ACAD11: variants seen among roughly 807,000 people sequenced by gnomAD.
The protein encoded by ACAD11 is acyl-CoA dehydrogenase family member 11, also known as acyl-Coenzyme A dehydrogenase family, member 11.
ACAD11 carries 83 observed loss-of-function variants against 102.2 expected under a neutral mutation model. The ratio of observed to expected loss-of-function variants is 0.81; its 90% CI spans 0.68 to 0.97. The LOEUF (loss-of-function observed/expected upper bound fraction) is 0.97, where lower values mean the gene tolerates loss of function less well. ACAD11 is among the 50% of genes least tolerant of loss of function. The pLI is 0.00. For synonymous variants in ACAD11, 324 were observed against 319.8 expected (o/e 1.01, Z -0.14); for missense variants, 901 against 951.7 (o/e 0.95, Z 0.70).
intron 1 of ACAD11, among the ~76,000 whole-genome samples, chr3:132,656,663 T>C (rs556179746): frequency 6.6e-6 from 1 of 152,002 alleles, no homozygotes; most frequent in Admixed American, 6.5e-5. Flanking sequence ...CCCAGCTAAT[T>C]TCGTATTTTT....
At chr3:132,655,124 A>C (rs1290969001) in intron 1 of ACAD11, among the ~76,000 whole-genome samples, 4 of 152,162 alleles carry the variant, frequency 2.6e-5, no homozygotes, top group African/African-American at 9.7e-5. Context: ...CATTGACCAA[A>C]ACGTCATTAT....
intron 13 of ACAD11, among the ~76,000 whole-genome samples, chr3:132,596,345 T>C (rs1045586096): frequency 6.6e-5 from 10 of 152,212 alleles, no homozygotes; most frequent in Admixed American, 3.9e-4. Flanking sequence ...ACCTGGGTGA[T>C]AAAATAATCT....
At position 132,650,879 on chromosome 3, in the gene ACAD11, G is replaced by C. The variant is rs114536203; in HGVS notation, c.150-5983C>G. Among the ~76,000 whole-genome samples the C allele has an allele frequency of 3.3e-3, 500 of 152,046 alleles. 1 individual carries two copies. Among genetic ancestry groups the C allele is most frequent in the African/African-American group, 0.012 (482 of 41,450 alleles). On this transcript the variant is annotated intron_variant, in intron 1 of 19. Coordinates refer to ENST00000264990, the MANE Select transcript of ACAD11 (RefSeq NM_032169.5). ...CCCTTTTATACTTGTTTACTGCATT[G>C]TAATTCCCATAAGGCTCTGCACATT... is the stretch of plus-strand genomic sequence containing the variant.
At chr3:132,573,845 G>A (rs1228221051) in intron 17 of ACAD11, among the ~76,000 whole-genome samples, 1 of 152,088 alleles carries the variant, frequency 6.6e-6, no homozygotes, top group Non-Finnish European at 1.5e-5. Context: ...AGAATTTTTT[G>A]CGTTACAGCC....
chr3:132,640,057 G>T (rs533900580), intron 4 of ACAD11, among the ~76,000 whole-genome samples: 1 of 151,518 alleles, frequency 6.6e-6, no homozygotes. Flanking sequence ...AAAGGGTCAC[G>T]AGAAATAAGT....
chr3:132,595,963 A>G (rs1294665510), intron 13 of ACAD11, among the ~76,000 whole-genome samples: 1 of 152,224 alleles, frequency 6.6e-6, no homozygotes, highest in Non-Finnish European at 1.5e-5. Context: ...TCTATTATAA[A>G]GACACATGCA....
intron 8 of ACAD11, 123 bp from the exon 9 acceptor site, chr3:132,626,940 G>T: frequency 1.1e-6 from 1 of 902,960 alleles, no homozygotes; most frequent in Non-Finnish European, 1.6e-6. Flanking sequence ...AGGAGTAGCT[G>T]TATTTTATAT....
intron 11 of ACAD11, among the ~76,000 whole-genome samples, chr3:132,617,394 T>C (rs1428329697): frequency 1.3e-5 from 2 of 152,162 alleles, no homozygotes. Flanking sequence ...TTTTAAAAAA[T>C]TGGCCTCCTT....
intron 17 of ACAD11, among the ~76,000 whole-genome samples, chr3:132,573,646 A>T (rs1937447591): frequency 6.6e-6 from 1 of 152,218 alleles, no homozygotes; most frequent in African/African-American, 2.4e-5. Context: ...TGGCTGTAAA[A>T]CAGGATAATT....
chr3:132,566,494 C>G (rs1343835092), intron 17 of ACAD11, among the ~76,000 whole-genome samples: 1 of 150,910 alleles, frequency 6.6e-6, no homozygotes, highest in African/African-American at 2.5e-5. Flanking sequence ...GAATCCCAAG[C>G]AGGATAAATC....
At chr3:132,588,727 C>T (rs1358215223) in intron 13 of ACAD11, among the ~76,000 whole-genome samples, 2 of 152,080 alleles carry the variant, frequency 1.3e-5, no homozygotes, top group African/African-American at 4.8e-5. Context: ...GAGAAAAGAT[C>T]CCCCATTCAC....
rs12487723 is a variant in ACAD11 at position 132,581,922 on chromosome 3, C to T, written c.1622-2364G>A. On this transcript the variant is annotated intron_variant, in intron 13 of 19. Transcript: ENST00000264990. ...TCAAAGTTTACAGTTATCCTGTAGT[C>T]AACTACAGTTGTGGCTGCAAGACAG... Among the ~76,000 whole-genome samples, 2,871 of 152,024 alleles carry T rather than the reference C, an allele frequency of 0.019. 406 individuals are homozygous for T. In the East Asian group the frequency reaches 0.38, roughly 20 times the overall value.
At chr3:132,625,428 A>C (rs1939774056) in intron 9 of ACAD11, among the ~76,000 whole-genome samples, 1 of 152,156 alleles carries the variant, frequency 6.6e-6, no homozygotes, top group Non-Finnish European at 1.5e-5. Context: ...TGTTGAATTC[A>C]CACTGCTATC....
At chr3:132,596,828 T>G (rs767051257) in intron 13 of ACAD11, among the ~76,000 whole-genome samples, 1 of 152,232 alleles carries the variant, frequency 6.6e-6, no homozygotes, top group Non-Finnish European at 1.5e-5. Context: ...TAAATTCTAT[T>G]GCAAATACCT....
At chr3:132,577,692 C>T (rs756730104) in intron 15 of ACAD11, among the ~76,000 whole-genome samples, 1 of 152,156 alleles carries the variant, frequency 6.6e-6, no homozygotes, top group South Asian at 2.1e-4. Context: ...GCTAACTCTA[C>T]ACCCTTTTCC....
Position 132,575,070 on chromosome 3 carries a change from C to G in ACAD11, c.2001+702G>C, listed in dbSNP as rs551529882. Among the ~76,000 whole-genome samples the G allele has an allele frequency of 2.0e-5, 3 of 152,138 alleles. No individual in the cohort carries two copies. In the South Asian group the frequency reaches 6.2e-4, roughly 32 times the overall value. ...CCATGTTGCCCAGGCTGGTCTTGAA[C>G]TCCTGAGCTCAGGCAACCCACCCGC... On this transcript the variant is annotated intron_variant, in intron 17 of 19. Coordinates refer to ENST00000264990, the MANE Select transcript of ACAD11 (RefSeq NM_032169.5).
intron 11 of ACAD11, among the ~76,000 whole-genome samples, chr3:132,616,113 C>T (rs191861908): frequency 6.6e-6 from 1 of 152,236 alleles, no homozygotes; most frequent in Admixed American, 6.5e-5. Flanking sequence ...TTGAGGCCTT[C>T]GTGGTACCTT....
At chr3:132,629,106 G>C (rs1292096648) in intron 7 of ACAD11, among the ~76,000 whole-genome samples, 2 of 152,088 alleles carry the variant, frequency 1.3e-5, no homozygotes, top group Non-Finnish European at 2.9e-5. Flanking sequence ...AATTAGATTG[G>C]AATGTTTATG....
intron 17 of ACAD11, among the ~76,000 whole-genome samples, chr3:132,561,844 AC>A (rs1297156099): frequency 1.3e-5 from 2 of 152,146 alleles, no homozygotes; most frequent in African/African-American, 4.8e-5. Flanking sequence ...CTCACTCCTA[AC>A]TTCTGGCAAC....
Sources: allele counts gnomAD v4.1 joint callset (sites outside exome capture counted in the v4.1 genomes callset), GRCh38; gene constraint gnomAD v4.1.1; transcripts MANE v1.5; gene names NCBI Gene and HGNC (gene_info 2026-07-23, HGNC 2026-07-21).